Variants in CHRNE observed in about 807,000 individuals in gnomAD.
CHRNE encodes the protein cholinergic receptor nicotinic epsilon subunit, also known as acetylcholine receptor subunit epsilon.
A neutral mutation model predicts 56.5 loss-of-function variants in CHRNE; 58 were observed. The ratio of observed to expected loss-of-function variants is 1.03; its 90% CI spans 0.83 to 1.28. The LOEUF (loss-of-function observed/expected upper bound fraction) is 1.28, where lower values mean the gene tolerates loss of function less well. Ranked by LOEUF, CHRNE falls within the 50% of genes most tolerant of loss-of-function variation. The pLI, the probability that CHRNE is intolerant of heterozygous loss-of-function variation, is 0.00. For missense variants in CHRNE, 793 were observed against 688.9 expected (o/e 1.15, Z -1.69); for synonymous variants, 385 against 297.9 (o/e 1.29, Z -3.01).
upstream of CHRNE, among the ~76,000 whole-genome samples, chr17:4,904,791 C>A (rs545361840): frequency 1.8e-4 from 27 of 152,310 alleles, no homozygotes; most frequent in South Asian, 5.6e-3. Flanking sequence ...GTCATAATCA[C>A]CTCCATGTTA....
intron 8 of CHRNE, chr17:4,900,263 G>A: frequency 1.9e-6 from 3 of 1,546,512 alleles, no homozygotes; most frequent in Non-Finnish European, 2.6e-6. Context: ...TGCAGCAGGA[G>A]GCGCGGCGAC....
chr17:4,906,076 C>T (rs563882776), upstream of CHRNE, among the ~76,000 whole-genome samples: 28 of 152,322 alleles, frequency 1.8e-4, 1 homozygote, highest in African/African-American at 6.0e-4. Context: ...TCTGCTTTCT[C>T]GTCACCTGTG....
intron 5 of CHRNE, 68 bp from the exon 6 acceptor site, chr17:4,901,693 T>G: frequency 6.7e-7 from 1 of 1,488,418 alleles, no homozygotes; most frequent in Non-Finnish European, 9.3e-7. Flanking sequence ...GGCCCAGCCC[T>G]GGAAGCTGGG....
At chr17:4,899,170 C>G (rs1448944961) in intron 10 of CHRNE, 28 bp downstream of exon 10, 1 of 1,591,364 alleles carries the variant, frequency 6.3e-7, no homozygotes, top group South Asian at 1.1e-5. Flanking sequence ...CCCCGCGCGG[C>G]CCCCCGGGCC....
upstream of CHRNE, among the ~76,000 whole-genome samples, chr17:4,906,634 C>T (rs1421265012): frequency 6.6e-6 from 1 of 152,092 alleles, no homozygotes; most frequent in Non-Finnish European, 1.5e-5. Context: ...AGGAGAATTG[C>T]TTGAGCCTGG....
In CHRNE at chr17:4,898,885, A is replaced by G; in HGVS notation, c.1333T>C (p.Ser445Pro). 1 of 1,579,356 alleles carries G rather than the reference A, an allele frequency of 6.3e-7. No individual in the cohort carries two copies. Among genetic ancestry groups the G allele is most frequent in the Non-Finnish European group, 8.6e-7 (1 of 1,163,054 alleles). ...RDQEATGEEV[S>P]DWVRMGNALD... ...GCATTCCCCATGCGCACCCAGTCGG[A>G]CACTTCCTGGGGAAGGGTCGGCACA... Residue 445 changes from serine (S) to proline (P), a missense_variant, in exon 12 of 12, where the codon TCC becomes CCC. Transcript: ENST00000649488.
In CHRNE at chr17:4,899,051, C is replaced by T. The variant is rs755154052; in HGVS notation, c.1276G>A (p.Ala426Thr). Residue 426 changes from alanine to threonine, a missense_variant, in exon 11 of 12, where the codon GCC (alanine) becomes ACC (threonine). Ala to Thr is a moderately conservative substitution (Grantham distance 58, BLOSUM62 0). Transcript: ENST00000649488. ...AAPEVRCCVD[A>T]VNFVAESTRD... is the part of the protein sequence containing the mutation. ...GTGCTCTCGGCCACGAAGTTCACGG[C>T]ATCCACACAGCAGCGGACCTCGGGG... 2.5e-6 allele frequency: 4 copies of T among 1,611,802 alleles called. No individual in the cohort carries two copies. Among genetic ancestry groups the T allele is most frequent in the African/African-American group, 2.7e-5 (2 of 75,058 alleles).
In CHRNE at chr17:4,901,159, C is replaced by A. The variant is rs770306808; in HGVS notation, c.633G>T (p.Pro211=). The change falls in exon 7 of 12, where the codon CCG becomes CCT. Residue 211 remains proline, a synonymous_variant. Transcript: ENST00000649488. ...CACCGTGGTGGCGGCGGATCACCCCCGGGCAGAAGTCGATGGCCCACTCGC... is the reference window on the plus strand; with the variant it reads ...CACCGTGGTGGCGGCGGATCACCCCAGGGCAGAAGTCGATGGCCCACTCGC... ...ENGEWAIDFC[P]GVIRRHHGGA... 6.2e-7 allele frequency: 1 copy of A among 1,609,316 alleles called. No homozygotes were observed. Among genetic ancestry groups the A allele is most frequent in the African/African-American group, 1.3e-5 (1 of 75,036 alleles).
chr17:4,906,599 T>C (rs1406199779), upstream of CHRNE, among the ~76,000 whole-genome samples: 1 of 152,124 alleles, frequency 6.6e-6, no homozygotes, highest in Non-Finnish European at 1.5e-5. Context: ...CTCAGCATCA[T>C]TGGTCATCAC....
In CHRNE at chr17:4,900,338, C is replaced by G. The variant is rs1027440508; in HGVS notation, c.917+455G>C. On this transcript the variant is annotated intron_variant, in intron 8 of 11. Coordinates refer to ENST00000649488, the MANE Select transcript of CHRNE (RefSeq NM_000080.4). ...CGGGTGCAGCGCTGAGCCGGGTAGC[C>G]CAAGCCGCAGGGCAGGGGGTTCGGC... 9 of 1,546,392 alleles carry G rather than the reference C, an allele frequency of 5.8e-6. No individual in the cohort carries two copies. In the African/African-American group the frequency reaches 1.2e-4, roughly 21 times the overall value.
intron 6 of CHRNE, 46 bp from the exon 7 acceptor site, chr17:4,901,236 C>T: frequency 6.3e-7 from 1 of 1,585,332 alleles, no homozygotes; most frequent in Non-Finnish European, 8.6e-7. Context: ...GCGGGGCGCC[C>T]GCCGAGCTGA....
chr17:4,904,354 C>T (rs960044756), upstream of CHRNE, among the ~76,000 whole-genome samples: 1 of 151,828 alleles, frequency 6.6e-6, no homozygotes, highest in East Asian at 1.9e-4. Flanking sequence ...TGAGCCACCA[C>T]GCCCGGCCTC....
intron 6 of CHRNE, 116 bp from the exon 7 acceptor site, chr17:4,901,306 G>T: frequency 1.7e-6 from 2 of 1,170,350 alleles, no homozygotes; most frequent in Non-Finnish European, 2.5e-6. Context: ...GTCAGGATGG[G>T]GGCAATTACG....
intron 8 of CHRNE, chr17:4,899,834 G>GCTA: frequency 1.3e-6 from 2 of 1,551,200 alleles, no homozygotes; most frequent in Non-Finnish European, 1.7e-6. Flanking sequence ...CCGAGGTGAG[G>GCTA]CTACGCCCGC....
At position 4,901,173 on chromosome 17, in the gene CHRNE, T is replaced by G; in HGVS notation, c.619A>C (p.Ile207Leu). 2 of 1,605,912 alleles carry G rather than the reference T, an allele frequency of 1.2e-6. No homozygotes were observed. Among genetic ancestry groups the G allele is most frequent in the Non-Finnish European group, 1.7e-6 (2 of 1,178,692 alleles). ...EAYTENGEWA[I>L]DFCPGVIRRH... ...CGGATCACCCCCGGGCAGAAGTCGA[T>G]GGCCCACTCGCCGTTCTCTGCGGGA... The change falls in exon 7 of 12, where the codon ATC (isoleucine) becomes CTC (leucine). Residue 207 changes from isoleucine to leucine, a missense_variant. Physicochemically the swap from Ile to Leu is conservative, Grantham distance 5 (BLOSUM62 2). Coordinates refer to ENST00000649488, the MANE Select transcript of CHRNE (RefSeq NM_000080.4).
Position 4,902,331 on chromosome 17 carries a change from G to A in CHRNE, c.235-5C>T, listed in dbSNP as rs371818740. 2.7e-5 allele frequency: 44 copies of A among 1,614,046 alleles called. No individual in the cohort carries two copies. Among genetic ancestry groups the A allele is most frequent in the Non-Finnish European group, 3.5e-5 (41 of 1,180,022 alleles). On this transcript the variant is annotated splice_polypyrimidine_tract_variant and splice_region_variant and intron_variant, in intron 3 of 11. Transcript: ENST00000649488. This position sits in a 1 kb window ranked among gnomAD's most constrained non-coding sequence, Gnocchi z 4.0. ...GAGTCGGTAATCCTGCCAATCCTAA[G>A]GGGTGGGGGATGGAAGGCCGCGTGC...
At position 4,899,173 on chromosome 17, in the gene CHRNE, C is replaced by A. The variant is rs760719410; in HGVS notation, c.1219+25G>T. 6.5e-5 allele frequency: 103 copies of A among 1,593,966 alleles called. No individual in the cohort carries two copies. In the Admixed American group the frequency reaches 1.7e-3, roughly 26 times the overall value. ...CCCTGGCAGGCACCCCGCGCGGCCC[C>A]CCGGGCCAGGGCCACTGTGCTCACC... On this transcript the variant is annotated intron_variant, in intron 10 of 11. Transcript: ENST00000649488.
At chr17:4,905,516 G>T (rs190351623), upstream of CHRNE, among the ~76,000 whole-genome samples, 1 of 152,096 alleles carries the variant, frequency 6.6e-6, no homozygotes, top group African/African-American at 2.4e-5. Flanking sequence ...AGTGAGCTAC[G>T]ATCACACTAC....
upstream of CHRNE, chr17:4,903,122 A>G: frequency 6.3e-7 from 1 of 1,587,350 alleles, no homozygotes; most frequent in Non-Finnish European, 8.6e-7. Context: ...GGGGCATGCC[A>G]GGGTGCCTGT....
Sources: allele counts gnomAD v4.1 joint callset (sites outside exome capture counted in the v4.1 genomes callset), GRCh38; gene constraint gnomAD v4.1.1; non-coding constraint Gnocchi (gnomAD v3.1); transcripts MANE v1.5; gene names NCBI Gene and HGNC (gene_info 2026-07-23, HGNC 2026-07-21).